The following NBAS variants were observed in gnomAD, a reference collection of about 807,000 sequenced individuals.
NBAS encodes NBAS subunit of NRZ tethering complex.
NBAS carries 219 observed loss-of-function variants against 302.5 expected under a neutral mutation model. That is an observed-to-expected ratio of 0.72 (90% CI 0.65 to 0.81). The LOEUF (loss-of-function observed/expected upper bound fraction) is 0.81, where lower values mean the gene tolerates loss of function less well. Ranked by LOEUF, NBAS falls within the 30% of genes least tolerant of loss-of-function variation. The probability of loss-of-function intolerance (pLI) is 0.00; values close to 1 mark genes in which losing one functional copy is unlikely to be tolerated. For synonymous variants in NBAS, 1,118 were observed against 1,021.6 expected (o/e 1.09, Z -1.80); for missense variants, 2,932 against 2,841.6 (o/e 1.03, Z -0.72).
chr2:15,229,205 G>C (rs959624522), intron 47 of NBAS, among the ~76,000 whole-genome samples: 7 of 151,744 alleles, frequency 4.6e-5, no homozygotes, highest in Middle Eastern at 3.4e-3. Flanking sequence ...ATCCGGGCAT[G>C]GTAGTGGGCA....
the NBAS span, among the ~76,000 whole-genome samples, chr2:15,040,283 G>A: frequency 6.6e-6 from 1 of 152,150 alleles, no homozygotes; most frequent in Non-Finnish European, 1.5e-5. Flanking sequence ...TATTACAGGT[G>A]GGAAAATTGA....
At chr2:15,530,652 G>C (rs1663172659) in intron 9 of NBAS, among the ~76,000 whole-genome samples, 1 of 151,652 alleles carries the variant, frequency 6.6e-6, no homozygotes, top group Admixed American at 6.6e-5. Context: ...AACAAAGGAG[G>C]GGAAACAGGA....
chr2:14,856,848 A>G, the NBAS span, among the ~76,000 whole-genome samples: 3 of 146,770 alleles, frequency 2.0e-5, no homozygotes, highest in African/African-American at 8.2e-5. Context: ...GCCTTAAAGA[A>G]GAGGGCATCC....
At chr2:14,811,804 G>A in the NBAS span, among the ~76,000 whole-genome samples, 1 of 152,154 alleles carries the variant, frequency 6.6e-6, no homozygotes, top group Admixed American at 6.6e-5. Flanking sequence ...TAAGAAGGAG[G>A]TAGGTAAGAA....
Position 15,374,676 on chromosome 2 carries a change from T to A in NBAS, c.3635A>T (p.Glu1212Val), listed in dbSNP as rs749542650. The change falls in exon 31 of 52, where the codon GAG becomes GTG. Residue 1212 changes from glutamate (E) to valine (V), a missense_variant. Transcript: ENST00000281513. ...AACGGCTTGGATAAGATCTAGCTCC[T>A]CTTGAATGGCAGGGGGTCTGTCTGT... ...LITDRPPAIQ[E>V]ELDLIQAVGC... 1.2e-6 allele frequency: 2 copies of A among 1,613,990 alleles called. No homozygotes were observed. The highest frequency in any genetic ancestry group is 2.2e-5 in the South Asian group (2 of 91,080).
At chr2:15,005,831 G>A in the NBAS span, among the ~76,000 whole-genome samples, 6 of 152,172 alleles carry the variant, frequency 3.9e-5, no homozygotes, top group South Asian at 2.1e-4. Flanking sequence ...CCATATTGCC[G>A]TAGTTTTCAC....
At chr2:15,419,342 T>C (rs1479814744) in intron 23 of NBAS, among the ~76,000 whole-genome samples, 2 of 25,986 alleles carry the variant, frequency 7.7e-5, no homozygotes, top group Non-Finnish European at 2.6e-4. Context: ...TATATGTGTG[T>C]GTGTGTGTGT....
At chr2:15,524,496 G>C (rs941413667) in intron 9 of NBAS, among the ~76,000 whole-genome samples, 2 of 152,154 alleles carry the variant, frequency 1.3e-5, no homozygotes, top group African/African-American at 4.8e-5. Flanking sequence ...GCATACACAT[G>C]CTCACTCCAT....
chr2:14,900,586 C>T, the NBAS span, among the ~76,000 whole-genome samples: 2 of 152,194 alleles, frequency 1.3e-5, no homozygotes, highest in African/African-American at 4.8e-5. Flanking sequence ...TCTTCTATAT[C>T]ACCCAATAAG....
chr2:15,057,421 T>C, the NBAS span, among the ~76,000 whole-genome samples: 26 of 151,858 alleles, frequency 1.7e-4, no homozygotes, highest in Admixed American at 5.2e-4. Flanking sequence ...AAGTTTATTC[T>C]AGGCAATTTT....
the NBAS span, among the ~76,000 whole-genome samples, chr2:14,883,763 A>C: frequency 6.6e-6 from 1 of 152,034 alleles, no homozygotes; most frequent in African/African-American, 2.4e-5. Context: ...TGATCCTAGG[A>C]ATTCAAGACC....
chr2:14,861,086 A>G, the NBAS span, among the ~76,000 whole-genome samples: 1 of 152,208 alleles, frequency 6.6e-6, no homozygotes, highest in Non-Finnish European at 1.5e-5. Flanking sequence ...GCTTATGTGA[A>G]GATTTACATT....
At chr2:15,345,699 A>T (rs1273001714) in intron 35 of NBAS, among the ~76,000 whole-genome samples, 1 of 152,126 alleles carries the variant, frequency 6.6e-6, no homozygotes, top group Admixed American at 6.6e-5. Context: ...TCTAGCCAAC[A>T]CAATCCTAAG....
chr2:15,059,715 A>G, the NBAS span, among the ~76,000 whole-genome samples: 2 of 152,198 alleles, frequency 1.3e-5, no homozygotes, highest in African/African-American at 4.8e-5. Context: ...TCTGTCTCTC[A>G]TGAGAACAGG....
At chr2:14,935,193 C>A in the NBAS span, among the ~76,000 whole-genome samples, 2 of 152,064 alleles carry the variant, frequency 1.3e-5, no homozygotes, top group Admixed American at 6.6e-5. Flanking sequence ...ATCTATATTT[C>A]ATATTTCTCA....
At chr2:15,020,358 T>C in the NBAS span, among the ~76,000 whole-genome samples, 1 of 152,198 alleles carries the variant, frequency 6.6e-6, no homozygotes, top group South Asian at 2.1e-4. Context: ...ACCAATGTCA[T>C]AGCTATTGTT....
intron 33 of NBAS, among the ~76,000 whole-genome samples, chr2:15,354,027 C>T (rs1314328906): frequency 6.6e-6 from 1 of 152,134 alleles, no homozygotes; most frequent in Non-Finnish European, 1.5e-5. Context: ...CATCTGAATT[C>T]CGAAGATCTG....
chr2:15,010,414 T>C, the NBAS span, among the ~76,000 whole-genome samples: 1 of 152,086 alleles, frequency 6.6e-6, no homozygotes, highest in African/African-American at 2.4e-5. Flanking sequence ...CACACATCAA[T>C]GAAAGAAAGA....
the NBAS span, among the ~76,000 whole-genome samples, chr2:15,048,860 C>T: frequency 6.6e-6 from 1 of 152,230 alleles, no homozygotes; most frequent in East Asian, 1.9e-4. Flanking sequence ...TCAACAAGCT[C>T]GCTGTCTAGG....
Sources: allele counts gnomAD v4.1 joint callset (sites outside exome capture counted in the v4.1 genomes callset), GRCh38; gene constraint gnomAD v4.1.1; transcripts MANE v1.5; gene names NCBI Gene and HGNC (gene_info 2026-07-23, HGNC 2026-07-21).